The following VWA8 variants were observed in gnomAD, a reference collection of about 807,000 sequenced individuals.
VWA8 encodes the protein von Willebrand factor A domain-containing protein 8.
VWA8 carries 221 observed loss-of-function variants against 241.5 expected under a neutral mutation model. The observed-to-expected ratio is 0.91, with a 90% CI of 0.82 to 1.02. VWA8 has a LOEUF of 1.02. Among genes scored for constraint, VWA8 ranks in the 50% least tolerant of loss-of-function variants. The pLI is 0.00. For missense variants in VWA8, 2,322 were observed against 2,328.7 expected (o/e 1.00, Z 0.06); for synonymous variants, 852 against 827.1 (o/e 1.03, Z -0.52).
At chr13:41,669,656 C>T (rs769194180) in intron 37 of VWA8, among the ~76,000 whole-genome samples, 1 of 152,148 alleles carries the variant, frequency 6.6e-6, no homozygotes, top group African/African-American at 2.4e-5. Flanking sequence ...GAAAACATGA[C>T]CTTTGATCTC....
chr13:41,861,485 T>C (rs1422337245), intron 12 of VWA8, among the ~76,000 whole-genome samples: 4 of 151,690 alleles, frequency 2.6e-5, no homozygotes, highest in African/African-American at 4.8e-5. Context: ...AAAATAAAAA[T>C]AGGAAAAGGG....
In VWA8 at chr13:41,620,523, G is replaced by A. The variant is rs184863489; in HGVS notation, c.4612-5439C>T. 3.1e-3 allele frequency among the ~76,000 whole-genome samples: 469 copies of A among 152,162 alleles called. 2 individuals carry two copies. Among genetic ancestry groups the A allele is most frequent in the African/African-American group, 0.011 (436 of 41,522 alleles). ...TTGCCTTCTGCTAGCTTTTGAATTTGTTTGCTCTTGCTTCTCTAGTTCTTT... is the reference window on the plus strand; with the variant it reads ...TTGCCTTCTGCTAGCTTTTGAATTTATTTGCTCTTGCTTCTCTAGTTCTTT... On this transcript the variant is annotated intron_variant, in intron 37 of 44. Transcript: ENST00000379310.
At chr13:41,929,319 CTAAT>C (rs1395917085) in intron 2 of VWA8, among the ~76,000 whole-genome samples, 2 of 151,946 alleles carry the variant, frequency 1.3e-5, no homozygotes, top group Admixed American at 6.6e-5. Context: ...CCACATCCAG[CTAAT>C]TAATTTTTTT....
chr13:41,920,967 G>A (rs917864279), intron 2 of VWA8, among the ~76,000 whole-genome samples: 1 of 152,140 alleles, frequency 6.6e-6, no homozygotes, highest in Non-Finnish European at 1.5e-5. Context: ...CCAAAGCCTG[G>A]CAGAGAACAC....
chr13:41,895,223 A>C (rs1183495381), intron 4 of VWA8, among the ~76,000 whole-genome samples: 1 of 152,118 alleles, frequency 6.6e-6, no homozygotes, highest in Non-Finnish European at 1.5e-5. Flanking sequence ...ATTTAACCCT[A>C]TGACAGTCCT....
At chr13:41,729,273 C>T (rs759468466) in intron 23 of VWA8, among the ~76,000 whole-genome samples, 4 of 151,462 alleles carry the variant, frequency 2.6e-5, no homozygotes, top group Non-Finnish European at 5.9e-5. Context: ...AAGGGTTATA[C>T]GTTGGTATGT....
At chr13:41,944,321 C>CGCCCTA (rs1877747470) in intron 2 of VWA8, among the ~76,000 whole-genome samples, 1 of 151,946 alleles carries the variant, frequency 6.6e-6, no homozygotes, top group South Asian at 2.1e-4. Context: ...GGGGTTAATT[C>CGCCCTA]GCCCTAACCC....
At chr13:41,600,304 C>T (rs943185103) in intron 40 of VWA8, among the ~76,000 whole-genome samples, 1 of 152,222 alleles carries the variant, frequency 6.6e-6, no homozygotes, top group East Asian at 1.9e-4. Context: ...AGTCATGCAG[C>T]CCAGAAGTCA....
At chr13:41,879,390 C>T (rs1330771344) in intron 9 of VWA8, among the ~76,000 whole-genome samples, 10 of 149,960 alleles carry the variant, frequency 6.7e-5, no homozygotes, top group African/African-American at 2.5e-4. Flanking sequence ...CATACACACA[C>T]ACACACACAC....
intron 21 of VWA8, among the ~76,000 whole-genome samples, chr13:41,735,223 C>T (rs1034269878): frequency 6.6e-6 from 1 of 151,828 alleles, no homozygotes; most frequent in Non-Finnish European, 1.5e-5. Flanking sequence ...TCTTCCAGCA[C>T]CAAAAAGAAA....
intron 4 of VWA8, among the ~76,000 whole-genome samples, chr13:41,892,538 C>G (rs929811292): frequency 1.3e-5 from 2 of 152,140 alleles, no homozygotes; most frequent in African/African-American, 2.4e-5. Context: ...ACACACAGCT[C>G]TTCTTACCCT....
chr13:41,670,702 T>C (rs1477702954), intron 37 of VWA8, among the ~76,000 whole-genome samples: 1 of 152,212 alleles, frequency 6.6e-6, no homozygotes, highest in Non-Finnish European at 1.5e-5. Context: ...ATTGTATTCA[T>C]ATGGTGTGAT....
At chr13:41,647,125 A>G (rs985763895) in intron 37 of VWA8, among the ~76,000 whole-genome samples, 2 of 152,242 alleles carry the variant, frequency 1.3e-5, no homozygotes, top group African/African-American at 4.8e-5. Flanking sequence ...CAGTAGCAGT[A>G]AAGTACATCT....
chr13:41,699,975 ACTCCCAGGAGAGG>A (rs1301302228), intron 28 of VWA8, among the ~76,000 whole-genome samples: 1 of 151,906 alleles, frequency 6.6e-6, no homozygotes, highest in Non-Finnish European at 1.5e-5. Flanking sequence ...TTTCCAGCAA[ACTCCCAGGAGAGG>A]CTAATGCTGC....
chr13:41,839,268 T>C (rs1001845307), intron 12 of VWA8, among the ~76,000 whole-genome samples: 1 of 152,216 alleles, frequency 6.6e-6, no homozygotes, highest in Admixed American at 6.5e-5. Flanking sequence ...CTTTTTTTCA[T>C]ATGTCTGTTG....
chr13:41,922,847 C>G (rs1016543916), intron 2 of VWA8, among the ~76,000 whole-genome samples: 4 of 152,188 alleles, frequency 2.6e-5, no homozygotes, highest in Non-Finnish European at 4.4e-5. Flanking sequence ...GGATTGTAAA[C>G]TAGTTCAACC....
rs560903822 is a variant in VWA8 at position 41,686,043 on chromosome 13, T to C, written c.4132-801A>G. Among the ~76,000 whole-genome samples the C allele has an allele frequency of 2.6e-5, 4 of 152,282 alleles. No individual in the cohort carries two copies. The South Asian group carries it at 8.3e-4, about 32-fold the overall frequency. On this transcript the variant is annotated intron_variant, in intron 34 of 44. Transcript: ENST00000379310. Reference sequence around the variant, plus strand: ...GAAGTGGGGATCTGCATTCATCCTTTTCTCACATGTATAGTTTATTGTCCA... The same window carrying C: ...GAAGTGGGGATCTGCATTCATCCTTCTCTCACATGTATAGTTTATTGTCCA...
In VWA8 at chr13:41,885,284, C is replaced by T. The variant is rs572690254; in HGVS notation, c.975+636G>A. 3.3e-5 allele frequency among the ~76,000 whole-genome samples: 5 copies of T among 152,342 alleles called. No homozygotes were observed. In the South Asian group the frequency reaches 1.0e-3, roughly 32 times the overall value. On this transcript the variant is annotated intron_variant, in intron 8 of 44. Transcript: ENST00000379310. ...CCCTTTTGTGATTAAACACATTTGC[C>T]TGTGCTTTGACTTCCTGGGCCTTTT...
intron 2 of VWA8, among the ~76,000 whole-genome samples, chr13:41,938,276 T>C (rs17535055): frequency 0.03 from 4,634 of 152,240 alleles, 115 homozygotes; most frequent in Non-Finnish European, 0.048. Context: ...AAGATTGCTA[T>C]AGAGACTCTA....
Sources: allele counts gnomAD v4.1 joint callset (sites outside exome capture counted in the v4.1 genomes callset), GRCh38; gene constraint gnomAD v4.1.1; transcripts MANE v1.5; gene names NCBI Gene and HGNC (gene_info 2026-07-23, HGNC 2026-07-21).